Variants in DCDC1 observed in about 807,000 individuals in gnomAD.
DCDC1 encodes doublecortin domain containing 1.
DCDC1 carries 200 observed loss-of-function variants against 178.3 expected under a neutral mutation model. The ratio of observed to expected loss-of-function variants is 1.12; its 90% CI spans 1.00 to 1.26. The LOEUF (loss-of-function observed/expected upper bound fraction) is 1.26. Ranked by LOEUF, DCDC1 falls within the 50% of genes most tolerant of loss-of-function variation. The probability of loss-of-function intolerance (pLI) is 0.00; values close to 1 mark genes in which losing one functional copy is unlikely to be tolerated. For synonymous variants in DCDC1, 690 were observed against 604.8 expected, an observed-to-expected ratio of 1.14 and a Z score of -2.07; for missense variants, 1,983 against 1,749.2, an observed-to-expected ratio of 1.13 and a Z score of -2.38.
chr11:31,304,049 A>G (rs1948297876), intron 6 of DCDC1, among the ~76,000 whole-genome samples: 1 of 152,200 alleles, frequency 6.6e-6, no homozygotes. Flanking sequence ...CAGACAAAGC[A>G]GAGAAGTTTT....
chr11:31,272,534 A>C (rs1475933037), intron 7 of DCDC1, among the ~76,000 whole-genome samples: 1 of 152,254 alleles, frequency 6.6e-6, no homozygotes, highest in Non-Finnish European at 1.5e-5. Context: ...ATTACTCTCT[A>C]GATAAAATGG....
At chr11:31,246,517 C>T (rs1943578751) in intron 8 of DCDC1, among the ~76,000 whole-genome samples, 1 of 150,738 alleles carries the variant, frequency 6.6e-6, no homozygotes, top group Non-Finnish European at 1.5e-5. Context: ...TTGGTCAAAA[C>T]AAGGTAAGTT....
chr11:31,306,021 G>T (rs1948432293), intron 5 of DCDC1, among the ~76,000 whole-genome samples: 1 of 151,924 alleles, frequency 6.6e-6, no homozygotes, highest in Admixed American at 6.6e-5. Flanking sequence ...AGGTATTGTA[G>T]AGTTTCATCT....
chr11:30,979,505 A>C (rs1348449234), intron 20 of DCDC1, among the ~76,000 whole-genome samples: 1 of 152,196 alleles, frequency 6.6e-6, no homozygotes, highest in African/African-American at 2.4e-5. Context: ...TTTACTTCTC[A>C]TTACAGTGAC....
At chr11:31,212,831 G>C (rs1400997499) in intron 9 of DCDC1, among the ~76,000 whole-genome samples, 1 of 152,128 alleles carries the variant, frequency 6.6e-6, no homozygotes, top group African/African-American at 2.4e-5. Context: ...ACAAAACTGT[G>C]TACAAGGACA....
chr11:31,078,032 C>A, intron 17 of DCDC1, 107 bp from the exon 18 acceptor site: 1 of 677,078 alleles, frequency 1.5e-6, no homozygotes, highest in East Asian at 2.7e-5. Flanking sequence ...GAGGACTGCC[C>A]ACACTCTACC....
At chr11:30,880,767 T>C (rs1942587334) in intron 37 of DCDC1, among the ~76,000 whole-genome samples, 1 of 152,130 alleles carries the variant, frequency 6.6e-6, no homozygotes, top group Non-Finnish European at 1.5e-5. Flanking sequence ...TACTTATTAC[T>C]AAAGAAAAGA....
intron 11 of DCDC1, among the ~76,000 whole-genome samples, chr11:31,116,679 T>A (rs1282463703): frequency 6.6e-6 from 1 of 152,028 alleles, no homozygotes; most frequent in African/African-American, 2.4e-5. Context: ...AAAATTTAAT[T>A]AAAAATTCAT....
intron 9 of DCDC1, among the ~76,000 whole-genome samples, chr11:31,138,739 T>C (rs979858091): frequency 6.6e-6 from 1 of 152,184 alleles, no homozygotes; most frequent in African/African-American, 2.4e-5. Context: ...CATAAATCTT[T>C]AATCCAAACC....
chr11:31,011,701 C>A (rs564679170), intron 20 of DCDC1, among the ~76,000 whole-genome samples: 7 of 152,286 alleles, frequency 4.6e-5, no homozygotes, highest in African/African-American at 1.7e-4. Context: ...GCGCTTTATT[C>A]ATAGTAATTC....
At chr11:30,929,354 G>A (rs1946785029) in intron 22 of DCDC1, among the ~76,000 whole-genome samples, 1 of 152,122 alleles carries the variant, frequency 6.6e-6, no homozygotes, top group Admixed American at 6.6e-5. Flanking sequence ...ACTGGTGGAA[G>A]GCCCAGGGCT....
intron 9 of DCDC1, among the ~76,000 whole-genome samples, chr11:31,205,499 T>C (rs1971761599): frequency 1.3e-5 from 2 of 152,206 alleles, no homozygotes; most frequent in Non-Finnish European, 2.9e-5. Context: ...TGGATCACAA[T>C]AAAGGAAAGG....
chr11:31,356,923 G>T (rs1296912623), intron 1 of DCDC1, among the ~76,000 whole-genome samples: 1 of 152,270 alleles, frequency 6.6e-6, no homozygotes, highest in African/African-American at 2.4e-5. Flanking sequence ...AACAACAGGA[G>T]CTGAAATTGT....
chr11:31,145,655 C>T (rs974560965), intron 9 of DCDC1, among the ~76,000 whole-genome samples: 4 of 152,168 alleles, frequency 2.6e-5, no homozygotes, highest in Admixed American at 6.5e-5. Context: ...GAAAAGTATG[C>T]GGGACTGGCC....
At chr11:30,965,814 A>C (rs1949401059) in intron 20 of DCDC1, among the ~76,000 whole-genome samples, 1 of 131,948 alleles carries the variant, frequency 7.6e-6, no homozygotes, top group African/African-American at 2.9e-5. Context: ...AAGTGATCTC[A>C]CTGTTCAATT....
At chr11:30,926,477 G>A (rs1397668230) in intron 22 of DCDC1, among the ~76,000 whole-genome samples, 5 of 152,168 alleles carry the variant, frequency 3.3e-5, no homozygotes, top group Non-Finnish European at 5.9e-5. Context: ...AGGTGGGAGA[G>A]GCTGGAGCCT....
At chr11:31,348,504 ACTG>A (rs1950919461) in intron 1 of DCDC1, among the ~76,000 whole-genome samples, 1 of 152,022 alleles carries the variant, frequency 6.6e-6, no homozygotes, top group Non-Finnish European at 1.5e-5. Flanking sequence ...TCCCTTGAAA[ACTG>A]CTGCAGCATT....
chr11:30,908,862 T>C, intron 29 of DCDC1, 84 bp downstream of exon 29: 1 of 1,307,574 alleles, frequency 7.6e-7, no homozygotes, highest in Middle Eastern at 2.6e-4. Context: ...TAAAGTTTTC[T>C]AGGGAAAAAA....
rs868540604 is a variant in DCDC1, at chr11:31,158,073, T to C, written c.1222-20289A>G. 5.9e-5 allele frequency among the ~76,000 whole-genome samples: 9 copies of C among 151,830 alleles called. No homozygotes were observed. The South Asian group carries it at 1.5e-3, about 25-fold the overall frequency. On this transcript the variant is annotated intron_variant, in intron 9 of 38. Transcript: ENST00000684477. The stretch of plus-strand genomic sequence containing the variant: ...ACCTAAAATCTACTCTCTTAGCAAT[T>C]TTCAAATATACAAAACATTGTTTTA...
Sources: allele counts gnomAD v4.1 joint callset (sites outside exome capture counted in the v4.1 genomes callset), GRCh38; gene constraint gnomAD v4.1.1; transcripts MANE v1.5; gene names NCBI Gene and HGNC (gene_info 2026-07-23, HGNC 2026-07-21).